Variants in CADM2 observed in about 807,000 individuals in gnomAD.
CADM2 encodes the protein immunoglobulin superfamily member 4D.
CADM2 carries 12 observed loss-of-function variants against 49.8 expected under a neutral mutation model. That is an observed-to-expected ratio of 0.24 (90% confidence interval 0.15 to 0.39). CADM2 has a LOEUF of 0.39. CADM2 is among the 10% of genes least tolerant of loss of function. The pLI is 1.00. For missense variants in CADM2, 378 were observed against 492.3 expected (o/e 0.77, Z 2.20); for synonymous variants, 214 against 175.4 (o/e 1.22, Z -1.74).
chr3:85,535,755 A>G (rs2061409555), intron 1 of CADM2, among the ~76,000 whole-genome samples: 1 of 152,124 alleles, frequency 6.6e-6, no homozygotes, highest in Admixed American at 6.6e-5. Context: ...CTTTAGGGAA[A>G]GGGGAAATGT....
intron 1 of CADM2, among the ~76,000 whole-genome samples, chr3:85,369,213 T>C (rs2033016488): frequency 6.6e-6 from 1 of 152,226 alleles, no homozygotes; most frequent in Non-Finnish European, 1.5e-5. Context: ...GGATTAATGA[T>C]GGCGAATTGT....
intron 1 of CADM2, among the ~76,000 whole-genome samples, chr3:85,439,153 GA>G (rs2037067459): frequency 7.5e-6 from 1 of 133,946 alleles, no homozygotes; most frequent in East Asian, 2.1e-4. Context: ...GACTTATAAT[GA>G]CTTTTTTTTT....
rs1016068383 is a variant in CADM2 at position 85,901,025 on chromosome 3, T to C, written c.530-11348T>C. ...TAACTCGCTAATTAATTGATTACCCTGTGTCTATGAAAAATACAAAAATTA... is the reference window on the plus strand; with the variant it reads ...TAACTCGCTAATTAATTGATTACCCCGTGTCTATGAAAAATACAAAAATTA... On this transcript the variant is annotated intron_variant, in intron 5 of 9. Transcript: ENST00000383699. 2.7e-5 allele frequency among the ~76,000 whole-genome samples: 4 copies of C among 147,084 alleles called. No individual in the cohort carries two copies. The East Asian group carries it at 8.5e-4, about 31-fold the overall frequency.
chr3:85,456,736 T>C (rs532860773), intron 1 of CADM2, among the ~76,000 whole-genome samples: 64 of 152,160 alleles, frequency 4.2e-4, no homozygotes, highest in African/African-American at 1.5e-3. Context: ...AGGCCTACTT[T>C]TTTCAGTGAC....
intron 2 of CADM2, among the ~76,000 whole-genome samples, chr3:85,733,473 C>T (rs963090014): frequency 6.6e-6 from 1 of 152,154 alleles, no homozygotes; most frequent in Non-Finnish European, 1.5e-5. Context: ...TAACTGTCCC[C>T]TTTCATGTTG....
chr3:85,886,296 A>C lies in CADM2; in HGVS notation c.498A>C (p.Ile166=), dbSNP rs1392572147. The change falls in exon 5 of 10, where the codon ATA becomes ATC. Residue 166 remains isoleucine, a synonymous_variant. Transcript: ENST00000383699. The stretch of plus-strand genomic sequence containing the variant: ...CTGGTAGTAAACCTGCAGCTGATAT[A>C]AGATGGTTCAAAAATGACAAAGAGA... ...KTSGSKPAAD[I]RWFKNDKEIK... 2.2e-5 allele frequency: 35 copies of C among 1,613,630 alleles called. No individual in the cohort carries two copies. Among genetic ancestry groups the C allele is most frequent in the Non-Finnish European group, 2.9e-5 (34 of 1,179,750 alleles).
intron 3 of CADM2, among the ~76,000 whole-genome samples, chr3:85,857,808 T>C (rs1263094710): frequency 6.6e-6 from 1 of 152,192 alleles, no homozygotes; most frequent in Non-Finnish European, 1.5e-5. Flanking sequence ...CAAATTTAAT[T>C]GAATTGAATT....
intron 8 of CADM2, among the ~76,000 whole-genome samples, chr3:86,055,632 A>T (rs948271857): frequency 5.9e-5 from 9 of 151,768 alleles, no homozygotes; most frequent in Admixed American, 2.0e-4. Flanking sequence ...ATGCCTGGCT[A>T]ATATTTTATT....
intron 3 of CADM2, among the ~76,000 whole-genome samples, chr3:85,872,491 A>C (rs1345030679): frequency 2.6e-5 from 4 of 151,918 alleles, no homozygotes; most frequent in Non-Finnish European, 5.9e-5. Context: ...TAAAAAAAAA[A>C]GCCTTTATTA....
At chr3:85,792,697 C>T (rs1223266293) in intron 2 of CADM2, among the ~76,000 whole-genome samples, 1 of 152,204 alleles carries the variant, frequency 6.6e-6, no homozygotes, top group African/African-American at 2.4e-5. Flanking sequence ...TGGAGAAAAC[C>T]ATTGCCACCA....
intron 3 of CADM2, among the ~76,000 whole-genome samples, chr3:85,879,593 G>A (rs1246719296): frequency 3.9e-5 from 6 of 152,076 alleles, no homozygotes; most frequent in Non-Finnish European, 8.8e-5. Context: ...TGTAGTAAAT[G>A]TGTACACTGA....
intron 1 of CADM2, among the ~76,000 whole-genome samples, chr3:85,116,916 A>C (rs111332479): frequency 0.011 from 1,733 of 152,270 alleles, 28 homozygotes; most frequent in African/African-American, 0.04. Flanking sequence ...TAATTTTAGG[A>C]CACGGGCGGT....
chr3:85,250,308 C>T (rs1396077279), intron 1 of CADM2, among the ~76,000 whole-genome samples: 12 of 151,282 alleles, frequency 7.9e-5, no homozygotes, highest in South Asian at 2.1e-4. Flanking sequence ...TATCAAATTG[C>T]AAAAAAACTA....
At chr3:85,425,301 C>T (rs1024721512) in intron 1 of CADM2, among the ~76,000 whole-genome samples, 2 of 152,160 alleles carry the variant, frequency 1.3e-5, no homozygotes, top group African/African-American at 4.8e-5. Flanking sequence ...GTCAAAAGAG[C>T]TGAAGCAGTA....
intron 4 of CADM2, among the ~76,000 whole-genome samples, chr3:85,884,970 G>A (rs994552284): frequency 1.2e-4 from 18 of 149,232 alleles, no homozygotes; most frequent in Middle Eastern, 3.5e-3. Context: ...ACTTGACCTC[G>A]GCCTCCCAAA....
At chr3:85,653,307 G>T (rs1174479724) in intron 1 of CADM2, among the ~76,000 whole-genome samples, 1 of 147,722 alleles carries the variant, frequency 6.8e-6, no homozygotes, top group Non-Finnish European at 1.5e-5. Context: ...CCAATAAAAA[G>T]GTGATTGAAA....
chr3:85,555,190 C>T (rs2061929323), intron 1 of CADM2, among the ~76,000 whole-genome samples: 1 of 152,058 alleles, frequency 6.6e-6, no homozygotes. Flanking sequence ...ATTTTATATA[C>T]AAAAAATGTG....
At chr3:85,741,281 G>T (rs2068372326) in intron 2 of CADM2, among the ~76,000 whole-genome samples, 1 of 151,908 alleles carries the variant, frequency 6.6e-6, no homozygotes, top group South Asian at 2.1e-4. Flanking sequence ...ATTGGAAAAT[G>T]CATTAGTGCA....
Position 85,029,626 on chromosome 3 carries a change from T to C in CADM2, c.61+69958T>C, listed in dbSNP as rs548573763. On this transcript the variant is annotated intron_variant, in intron 1 of 9. Coordinates refer to ENST00000383699, the MANE Select transcript of CADM2 (RefSeq NM_001167675.2). ...ACAGTGAGCAGTGTGTTTCTCACCATTGTGATCTTGAAATGGAGTATTCAT... is the reference window on the plus strand; with the variant it reads ...ACAGTGAGCAGTGTGTTTCTCACCACTGTGATCTTGAAATGGAGTATTCAT... Among the ~76,000 whole-genome samples, 16 of 152,342 alleles carry C rather than the reference T, an allele frequency of 1.1e-4. 1 individual carries two copies. Among genetic ancestry groups the C allele is most frequent in the African/African-American group, 3.6e-4 (15 of 41,590 alleles).
Sources: gnomAD v4.1 joint callset for allele counts (sites outside exome capture counted in the v4.1 genomes callset) on GRCh38, gnomAD v4.1.1 for gene constraint, MANE v1.5 for transcripts, NCBI Gene and HGNC (gene_info 2026-07-23, HGNC 2026-07-21) for gene names.